Variants in CPVL observed in about 807,000 individuals in gnomAD.
CPVL encodes the protein carboxypeptidase vitellogenic like.
Under a neutral mutation model 63.7 loss-of-function variants are expected in CPVL, and 51 were observed. That is an observed-to-expected ratio of 0.80 (90% confidence interval 0.64 to 1.01). The LOEUF (loss-of-function observed/expected upper bound fraction) is 1.01. Ranked by LOEUF, CPVL falls within the 50% of genes least tolerant of loss-of-function variation. CPVL has a pLI of 0.00. For synonymous variants in CPVL, 195 were observed against 206.0 expected (o/e 0.95, Z 0.46); for missense variants, 530 against 573.1 (o/e 0.92, Z 0.77).
At chr7:29,089,840 C>T (rs1428490633) in intron 6 of CPVL, among the ~76,000 whole-genome samples, 1 of 151,864 alleles carries the variant, frequency 6.6e-6, no homozygotes, top group Non-Finnish European at 1.5e-5. Flanking sequence ...TTTCTTCTAC[C>T]TCCATCTCAC....
intron 5 of CPVL, among the ~76,000 whole-genome samples, chr7:29,179,656 T>G (rs1246556460): frequency 2.0e-5 from 3 of 152,260 alleles, no homozygotes; most frequent in Non-Finnish European, 4.4e-5. Flanking sequence ...ATATTCTCCT[T>G]TTTCTAAGTA....
At chr7:29,095,423 C>T (rs896076138) in intron 4 of CPVL, among the ~76,000 whole-genome samples, 1 of 151,962 alleles carries the variant, frequency 6.6e-6, no homozygotes, top group African/African-American at 2.4e-5. Context: ...CATGAAAAAA[C>T]ACCCACCAAC....
chr7:29,146,913 A>T, upstream of CPVL: 1 of 1,551,216 alleles, frequency 6.4e-7, no homozygotes, highest in Non-Finnish European at 8.7e-7. Context: ...CACTGTTTAA[A>T]AAGGCAACAC....
chr7:29,148,377 G>A (rs1392848688), upstream of CPVL: 1 of 152,180 alleles, frequency 6.6e-6, no homozygotes, highest in African/African-American at 2.4e-5. Context: ...AAGTCTTCCT[G>A]CAGTTTTAGT....
intron 2 of CPVL, among the ~76,000 whole-genome samples, chr7:29,117,436 T>G (rs1275922030): frequency 2.0e-5 from 3 of 152,216 alleles, no homozygotes; most frequent in Non-Finnish European, 4.4e-5. Flanking sequence ...TTTAAGCTGT[T>G]TCTCTCATTT....
At chr7:29,081,212 G>C (rs886086963) in intron 7 of CPVL, 1 of 152,222 alleles carries the variant, frequency 6.6e-6, no homozygotes, top group Non-Finnish European at 1.5e-5. Flanking sequence ...ATAGCTACTG[G>C]CTCAGAAAGG....
chr7:29,144,199 T>C (rs571266624), intron 1 of CPVL, among the ~76,000 whole-genome samples: 2 of 152,188 alleles, frequency 1.3e-5, no homozygotes, highest in Non-Finnish European at 2.9e-5. Flanking sequence ...TCTCACATTA[T>C]AAAGCCATCG....
exon 1 of CPVL, chr7:29,195,269 A>T (rs1050260775): frequency 3.0e-4 from 121 of 397,698 alleles, no homozygotes; most frequent in Admixed American, 6.2e-4. Flanking sequence ...GCGAAAAGCG[A>T]AAGGAGCGGG....
intron 12 of CPVL, among the ~76,000 whole-genome samples, chr7:28,999,818 G>A (rs1485217610): frequency 6.6e-6 from 1 of 152,178 alleles, no homozygotes. Flanking sequence ...ATATTCTTAA[G>A]CAGATTCACA....
chr7:29,113,967 A>G (rs1371735757), intron 2 of CPVL, among the ~76,000 whole-genome samples: 6 of 152,192 alleles, frequency 3.9e-5, no homozygotes, highest in African/African-American at 1.4e-4. Flanking sequence ...AGCCATATTA[A>G]GTTGGAGACT....
rs537192316 is a variant in CPVL at position 29,056,442 on chromosome 7, C to T, written c.1137+7619G>A. Among the ~76,000 whole-genome samples, 4 of 152,288 alleles carry T rather than the reference C, an allele frequency of 2.6e-5. No homozygotes were observed. In the East Asian group the frequency reaches 5.8e-4, roughly 22 times the overall value. ...GTCACATAGTTGGGATCATACAGTA[C>T]GTAGCCTTTTCAGATTGGCTTCTTT... On this transcript the variant is annotated intron_variant, in intron 11 of 12. Transcript: ENST00000265394.
At chr7:29,048,878 G>A (rs1463029641) in intron 11 of CPVL, among the ~76,000 whole-genome samples, 3 of 134,766 alleles carry the variant, frequency 2.2e-5, no homozygotes, top group East Asian at 2.1e-4. Flanking sequence ...AGGAACCTTC[G>A]AAACCATGTG....
chr7:29,156,749 G>A (rs1794430010), intron 5 of CPVL, among the ~76,000 whole-genome samples: 1 of 152,188 alleles, frequency 6.6e-6, no homozygotes. Flanking sequence ...CAAGCATTAT[G>A]CTAAATTATC....
chr7:29,083,004 T>C (rs1209759420), intron 7 of CPVL, among the ~76,000 whole-genome samples: 2 of 152,190 alleles, frequency 1.3e-5, no homozygotes, highest in East Asian at 3.9e-4. Context: ...TTCCCTAACC[T>C]GGCTCTGAAA....
chr7:29,146,640 A>G (rs245880), upstream of CPVL: 668,874 of 1,550,274 alleles, frequency 0.43, 149,239 homozygotes, highest in East Asian at 0.69. Flanking sequence ...TCCTGGTCCC[A>G]GAAACCTGGC....
chr7:29,058,663 G>A (rs1790983495), intron 11 of CPVL, among the ~76,000 whole-genome samples: 1 of 152,066 alleles, frequency 6.6e-6, no homozygotes, highest in Non-Finnish European at 1.5e-5. Context: ...TTTGCAAGGT[G>A]CAGAATTCTA....
chr7:29,101,279 A>G (rs1332481267), intron 3 of CPVL, among the ~76,000 whole-genome samples: 1 of 152,262 alleles, frequency 6.6e-6, no homozygotes, highest in African/African-American at 2.4e-5. Context: ...ATGAAGCAAG[A>G]CAATTAATGC....
chr7:29,120,834 AAAAAG>A, intron 2 of CPVL, 54 bp downstream of exon 2: 1 of 1,491,130 alleles, frequency 6.7e-7, no homozygotes, highest in Non-Finnish European at 9.1e-7. Flanking sequence ...AAAAAAAAAA[AAAAAG>A]AGAAACTGTT....
At chr7:29,175,900 A>AG (rs939043431) in intron 5 of CPVL, among the ~76,000 whole-genome samples, 4 of 152,158 alleles carry the variant, frequency 2.6e-5, no homozygotes, top group Non-Finnish European at 5.9e-5. Context: ...ATTGAAAAAA[A>AG]GACCAGACGG....
Sources: gnomAD v4.1 joint callset for allele counts (sites outside exome capture counted in the v4.1 genomes callset) on GRCh38, gnomAD v4.1.1 for gene constraint, MANE v1.5 for transcripts, NCBI Gene and HGNC (gene_info 2026-07-23, HGNC 2026-07-21) for gene names.